The following RIT2 variants were observed in gnomAD, a reference collection of about 807,000 sequenced individuals.
RIT2 encodes Ras like without CAAX 2.
Under a neutral mutation model 23.7 loss-of-function variants are expected in RIT2, and 24 were observed. The ratio of observed to expected loss-of-function variants is 1.01; its 90% confidence interval spans 0.73 to 1.43. RIT2 has a LOEUF of 1.43. RIT2 is among the 40% of genes most tolerant of loss of function. RIT2 has a pLI of 0.00. For missense variants in RIT2, 236 were observed against 266.9 expected (o/e 0.88, Z 0.81); for synonymous variants, 107 against 91.1 (o/e 1.17, Z -0.99).
intron 4 of RIT2, among the ~76,000 whole-genome samples, chr18:42,829,922 C>A (rs1906408038): frequency 6.6e-6 from 1 of 151,886 alleles, no homozygotes; most frequent in African/African-American, 2.4e-5. Flanking sequence ...ATGTAAGGAT[C>A]CATGGCAAGG....
At chr18:42,977,543 C>G (rs1173298948) in intron 2 of RIT2, among the ~76,000 whole-genome samples, 1 of 151,772 alleles carries the variant, frequency 6.6e-6, no homozygotes, top group Non-Finnish European at 1.5e-5. Flanking sequence ...GGCATTTTTC[C>G]AATGTATAAT....
At chr18:42,873,545 G>T (rs1460299387) in intron 4 of RIT2, among the ~76,000 whole-genome samples, 1 of 151,932 alleles carries the variant, frequency 6.6e-6, no homozygotes, top group South Asian at 2.1e-4. Context: ...TATACACTTT[G>T]ATTTTAGAGT....
At chr18:43,079,117 G>A (rs533002410) in intron 1 of RIT2, among the ~76,000 whole-genome samples, 8 of 152,270 alleles carry the variant, frequency 5.3e-5, no homozygotes, top group Non-Finnish European at 1.0e-4. Context: ...GTTCAACGTA[G>A]TAGCAAAATA....
intron 4 of RIT2, among the ~76,000 whole-genome samples, chr18:42,893,412 A>G (rs1908236245): frequency 6.6e-6 from 1 of 152,124 alleles, no homozygotes; most frequent in Non-Finnish European, 1.5e-5. Flanking sequence ...CCCAGATGCC[A>G]CCTTCTTGCT....
intron 1 of RIT2, among the ~76,000 whole-genome samples, chr18:43,060,766 T>A (rs1598766462): frequency 6.6e-6 from 1 of 152,160 alleles, no homozygotes; most frequent in South Asian, 2.1e-4. Flanking sequence ...CTGGTGTACA[T>A]AGGAGAAAAC....
chr18:43,112,537 A>G (rs1913978264), intron 1 of RIT2, among the ~76,000 whole-genome samples: 1 of 152,184 alleles, frequency 6.6e-6, no homozygotes, highest in Non-Finnish European at 1.5e-5. Context: ...TCTTGTGGGA[A>G]TTCCTATTTC....
intron 4 of RIT2, among the ~76,000 whole-genome samples, chr18:42,789,174 T>G (rs543698231): frequency 1.8e-4 from 27 of 152,290 alleles, no homozygotes; most frequent in African/African-American, 5.5e-4. Context: ...CCAACAATTT[T>G]ACCTACCATA....
At chr18:42,999,095 C>T (rs1911050287) in intron 2 of RIT2, among the ~76,000 whole-genome samples, 1 of 151,956 alleles carries the variant, frequency 6.6e-6, no homozygotes, top group African/African-American at 2.4e-5. Context: ...TTTCCCGTCT[C>T]GAAGAAAAGC....
intron 1 of RIT2, among the ~76,000 whole-genome samples, chr18:43,039,632 G>A (rs1598757651): frequency 6.6e-6 from 1 of 152,246 alleles, no homozygotes; most frequent in South Asian, 2.1e-4. Flanking sequence ...ACAGGCGTGA[G>A]CCACCACACC....
At chr18:42,884,915 C>T (rs1029685150) in intron 4 of RIT2, among the ~76,000 whole-genome samples, 1 of 152,120 alleles carries the variant, frequency 6.6e-6, no homozygotes, top group Non-Finnish European at 1.5e-5. Flanking sequence ...TTAAAATATC[C>T]ACCCCATCAT....
chr18:43,106,684 A>G (rs1171228385), intron 1 of RIT2, among the ~76,000 whole-genome samples: 1 of 152,154 alleles, frequency 6.6e-6, no homozygotes, highest in African/African-American at 2.4e-5. Context: ...TCAGGTTTCT[A>G]TCTGCCCAAT....
At chr18:42,775,539 AC>A (rs2143922501) in intron 4 of RIT2, among the ~76,000 whole-genome samples, 1 of 152,144 alleles carries the variant, frequency 6.6e-6, no homozygotes, top group South Asian at 2.1e-4. Flanking sequence ...TACTAAAAAT[AC>A]AAAAAAATTA....
intron 4 of RIT2, among the ~76,000 whole-genome samples, chr18:42,882,878 AT>A (rs1442385849): frequency 2.6e-5 from 4 of 152,178 alleles, no homozygotes; most frequent in Admixed American, 2.6e-4. Flanking sequence ...ACATTTGTAG[AT>A]TTATGATACG....
At chr18:42,802,596 T>G (rs1390547616) in intron 4 of RIT2, among the ~76,000 whole-genome samples, 1 of 152,212 alleles carries the variant, frequency 6.6e-6, no homozygotes, top group Admixed American at 6.5e-5. Context: ...GAATAATGGC[T>G]AAAAGGATGG....
chr18:43,080,853 G>A (rs763565662), intron 1 of RIT2, among the ~76,000 whole-genome samples: 1 of 152,106 alleles, frequency 6.6e-6, no homozygotes, highest in Non-Finnish European at 1.5e-5. Flanking sequence ...TTTCCACAGG[G>A]TTTGTTCTTC....
chr18:42,779,474 C>A (rs868173847), intron 4 of RIT2, among the ~76,000 whole-genome samples: 4 of 152,114 alleles, frequency 2.6e-5, no homozygotes, highest in Non-Finnish European at 5.9e-5. Flanking sequence ...TAAAAATCTC[C>A]CAGCTTTTTT....
chr18:42,895,017 T>C (rs766177059), intron 4 of RIT2, among the ~76,000 whole-genome samples: 13 of 152,178 alleles, frequency 8.5e-5, no homozygotes, highest in Non-Finnish European at 1.6e-4. Flanking sequence ...CAAGTATCAG[T>C]AGAGGGAGAA....
intron 1 of RIT2, among the ~76,000 whole-genome samples, chr18:43,108,686 G>T (rs985682677): frequency 2.6e-5 from 4 of 152,062 alleles, no homozygotes; most frequent in Non-Finnish European, 5.9e-5. Context: ...AAAGCCTTTC[G>T]CCTGAATTCT....
intron 4 of RIT2, among the ~76,000 whole-genome samples, chr18:42,848,272 T>C (rs1468259196): frequency 6.6e-6 from 1 of 152,172 alleles, no homozygotes; most frequent in Non-Finnish European, 1.5e-5. Context: ...AACTTCTTTT[T>C]AGAGTCTCCT....
Sources: allele counts gnomAD v4.1 joint callset (sites outside exome capture counted in the v4.1 genomes callset), GRCh38; gene constraint gnomAD v4.1.1; transcripts MANE v1.5; gene names NCBI Gene and HGNC (gene_info 2026-07-23, HGNC 2026-07-21).